Variants in SNX24 observed in about 807,000 individuals in gnomAD.
The protein encoded by SNX24 is sorting nexin 24.
A neutral mutation model predicts 28.7 loss-of-function variants in SNX24; 22 were observed. The ratio of observed to expected loss-of-function variants is 0.77; its 90% CI spans 0.55 to 1.10. The LOEUF (loss-of-function observed/expected upper bound fraction) is 1.10. SNX24 is among the 50% of genes least tolerant of loss of function. The probability of loss-of-function intolerance (pLI) is 0.00; values close to 1 mark genes in which losing one functional copy is unlikely to be tolerated. For missense variants in SNX24, 221 were observed against 201.1 expected, an observed-to-expected ratio of 1.10 and a Z score of -0.60; for synonymous variants, 69 against 71.5, an observed-to-expected ratio of 0.96 and a Z score of 0.18.
intron 5 of SNX24, among the ~76,000 whole-genome samples, chr5:123,027,672 T>C (rs971052153): frequency 3.3e-5 from 5 of 152,196 alleles, no homozygotes; most frequent in African/African-American, 9.6e-5. Flanking sequence ...CACTTAATAG[T>C]AGCCATTTTT....
At chr5:122,948,612 C>T (rs765143341) in intron 3 of SNX24, 3 of 152,244 alleles carry the variant, frequency 2.0e-5, no homozygotes, top group Non-Finnish European at 4.4e-5. Flanking sequence ...CTCTTCCTGC[C>T]ATCCAAGGGG....
intron 1 of SNX24, among the ~76,000 whole-genome samples, chr5:122,860,502 T>G (rs1755410097): frequency 6.6e-6 from 1 of 152,184 alleles, no homozygotes; most frequent in African/African-American, 2.4e-5. Flanking sequence ...TTTATTCCAT[T>G]TGTAGAATCA....
rs186296831 is a variant in SNX24, at chr5:122,886,921, T to G, written c.60+41228T>G. Reference sequence around the variant, plus strand: ...TAGTTACTGTTCTCCCTCATCCCACTTTTGTTTTTATAGGGGATGTCTAGA... The same window carrying G: ...TAGTTACTGTTCTCCCTCATCCCACGTTTGTTTTTATAGGGGATGTCTAGA... On this transcript the variant is annotated intron_variant, in intron 1 of 6. Transcript: ENST00000261369. Among the ~76,000 whole-genome samples, 566 of 152,262 alleles carry G rather than the reference T, an allele frequency of 3.7e-3. 4 individuals are homozygous for G. Among genetic ancestry groups the G allele is most frequent in the African/African-American group, 0.013 (523 of 41,558 alleles).
intron 5 of SNX24, among the ~76,000 whole-genome samples, chr5:123,021,000 A>T (rs563797903): frequency 0.043 from 6,564 of 151,816 alleles, 203 homozygotes; most frequent in Non-Finnish European, 0.067. Flanking sequence ...TCCCTCTTGC[A>T]CCTCCCCTGC....
intron 5 of SNX24, among the ~76,000 whole-genome samples, chr5:123,017,232 C>G (rs774955753): frequency 2.6e-5 from 4 of 152,018 alleles, no homozygotes; most frequent in Non-Finnish European, 5.9e-5. Context: ...TAATGGTTTG[C>G]AGAGTGGATG....
Position 122,956,784 on chromosome 5 carries a change from G to A in SNX24, c.249+10625G>A, listed in dbSNP as rs143923953. Among the ~76,000 whole-genome samples, 18 of 152,050 alleles carry A rather than the reference G, an allele frequency of 1.2e-4. No individual in the cohort carries two copies. The East Asian group carries it at 2.3e-3, about 20-fold the overall frequency. ...TTTGATTTGCATTTTTCTAATGATC[G>A]CTGATGTTGAGCATCTTTTCATGTG... On this transcript the variant is annotated intron_variant, in intron 3 of 6. Transcript: ENST00000261369.
At chr5:122,849,412 T>C (rs1754794347) in intron 1 of SNX24, among the ~76,000 whole-genome samples, 1 of 152,088 alleles carries the variant, frequency 6.6e-6, no homozygotes, top group Non-Finnish European at 1.5e-5. Context: ...GAGCCTTGTA[T>C]CCAGGGGCCT....
At chr5:122,935,533 A>G (rs926334848) in intron 1 of SNX24, among the ~76,000 whole-genome samples, 2 of 152,204 alleles carry the variant, frequency 1.3e-5, no homozygotes, top group Non-Finnish European at 2.9e-5. Flanking sequence ...AAAATTTACC[A>G]CTTAGTAAAA....
intron 1 of SNX24, among the ~76,000 whole-genome samples, chr5:122,860,063 G>T (rs1755385097): frequency 6.6e-6 from 1 of 152,156 alleles, no homozygotes; most frequent in African/African-American, 2.4e-5. Context: ...GATTGGGAGG[G>T]TCTGGAAGAA....
intron 3 of SNX24, among the ~76,000 whole-genome samples, chr5:122,980,482 G>C (rs1034206661): frequency 3.9e-5 from 6 of 152,084 alleles, no homozygotes; most frequent in Non-Finnish European, 8.8e-5. Context: ...TGGCAATAAA[G>C]AGTTTGGGGT....
At chr5:122,885,845 G>T (rs567134244) in intron 1 of SNX24, among the ~76,000 whole-genome samples, 2 of 152,086 alleles carry the variant, frequency 1.3e-5, no homozygotes, top group African/African-American at 2.4e-5. Flanking sequence ...GGGGAGGGGG[G>T]ATGAGATGAA....
At chr5:122,949,852 A>G (rs759091670) in intron 3 of SNX24, among the ~76,000 whole-genome samples, 8 of 152,246 alleles carry the variant, frequency 5.3e-5, no homozygotes, top group Non-Finnish European at 7.4e-5. Context: ...TACGTATAGT[A>G]TCTTAGAATC....
chr5:122,940,227 C>G (rs1759379781), intron 2 of SNX24, among the ~76,000 whole-genome samples: 1 of 152,136 alleles, frequency 6.6e-6, no homozygotes, highest in Non-Finnish European at 1.5e-5. Flanking sequence ...CTCCTGACCT[C>G]AGGTGATCCA....
At chr5:122,943,405 C>G (rs1193832280) in intron 2 of SNX24, among the ~76,000 whole-genome samples, 1 of 152,180 alleles carries the variant, frequency 6.6e-6, no homozygotes, top group Non-Finnish European at 1.5e-5. Flanking sequence ...TTACTGACTT[C>G]CCATCATCTG....
At chr5:122,974,060 G>A (rs1453941814) in intron 3 of SNX24, among the ~76,000 whole-genome samples, 2 of 152,138 alleles carry the variant, frequency 1.3e-5, no homozygotes, top group Non-Finnish European at 2.9e-5. Flanking sequence ...ATGGGCTGGA[G>A]TAATGTGTTG....
chr5:122,990,111 T>G (rs1401468999), intron 3 of SNX24, among the ~76,000 whole-genome samples: 1 of 152,202 alleles, frequency 6.6e-6, no homozygotes, highest in Non-Finnish European at 1.5e-5. Flanking sequence ...ATGAGCCATC[T>G]CCACAAGGGC....
intron 1 of SNX24, among the ~76,000 whole-genome samples, chr5:122,928,895 C>T (rs146508316): frequency 1.3e-5 from 2 of 148,666 alleles, no homozygotes; most frequent in African/African-American, 4.9e-5. Context: ...ATTTTACCAT[C>T]AAGACCTCAC....
At chr5:123,011,310 A>G (rs770269635), downstream of SNX24, among the ~76,000 whole-genome samples, 1 of 152,052 alleles carries the variant, frequency 6.6e-6, no homozygotes, top group Non-Finnish European at 1.5e-5. Context: ...CTTCGATGCT[A>G]CCTTATGCAG....
intron 1 of SNX24, among the ~76,000 whole-genome samples, chr5:122,915,459 C>T (rs961714202): frequency 4.6e-5 from 7 of 152,080 alleles, no homozygotes; most frequent in Non-Finnish European, 1.0e-4. Context: ...GTCCCCATCT[C>T]TACAAAAGAG....
Sources: gnomAD v4.1 joint callset for allele counts (sites outside exome capture counted in the v4.1 genomes callset) on GRCh38, gnomAD v4.1.1 for gene constraint, MANE v1.5 for transcripts, NCBI Gene and HGNC (gene_info 2026-07-23, HGNC 2026-07-21) for gene names.